PPARGC1A: variants seen among roughly 807,000 people sequenced by gnomAD.
PPARGC1A encodes PPARG coactivator 1 alpha.
PPARGC1A carries 25 observed loss-of-function variants against 88.7 expected under a neutral mutation model. That is an observed-to-expected ratio of 0.28 (90% CI 0.21 to 0.39). The LOEUF is 0.39. PPARGC1A is among the 10% of genes least tolerant of loss of function. PPARGC1A has a pLI of 1.00. For synonymous variants in PPARGC1A, 363 were observed against 355.6 expected (o/e 1.02, Z -0.24); for missense variants, 880 against 968.7 (o/e 0.91, Z 1.22).
chr4:24,007,982 G>A, the PPARGC1A span, among the ~76,000 whole-genome samples: 1 of 152,132 alleles, frequency 6.6e-6, no homozygotes, highest in East Asian at 1.9e-4. Flanking sequence ...CACAGACTTT[G>A]CAGTGACATC....
chr4:23,878,798 C>T (rs1577631179), intron 2 of PPARGC1A, among the ~76,000 whole-genome samples: 1 of 152,180 alleles, frequency 6.6e-6, no homozygotes, highest in East Asian at 1.9e-4. Context: ...AGATGAACAT[C>T]TAACTGATTT....
chr4:24,225,374 C>T, the PPARGC1A span, among the ~76,000 whole-genome samples: 1 of 152,066 alleles, frequency 6.6e-6, no homozygotes, highest in Non-Finnish European at 1.5e-5. Flanking sequence ...TTGAGACCAT[C>T]CTGGCTAACA....
the PPARGC1A span, among the ~76,000 whole-genome samples, chr4:24,030,697 T>C: frequency 3.3e-5 from 5 of 152,140 alleles, no homozygotes; most frequent in African/African-American, 1.2e-4. Flanking sequence ...GACCATTGTC[T>C]CCACACACCC....
the PPARGC1A span, among the ~76,000 whole-genome samples, chr4:24,171,428 C>T: frequency 3.9e-5 from 6 of 152,000 alleles, no homozygotes; most frequent in African/African-American, 2.4e-5. Flanking sequence ...GTCCCGTGCC[C>T]ATCTTCATCT....
rs187527971 is a variant in PPARGC1A at position 23,878,337 on chromosome 4, A to C, written c.234+6415T>G. On this transcript the variant is annotated intron_variant, in intron 2 of 12. Coordinates refer to ENST00000264867, the MANE Select transcript of PPARGC1A (RefSeq NM_013261.5). ...CAAACTGCAAATGGCTAAGAACCGA[A>C]TCAACGTCCATAAAAAAAAAAAAAA... Among the ~76,000 whole-genome samples the C allele has an allele frequency of 3.4e-4, 51 of 150,206 alleles. No individual in the cohort carries two copies. The East Asian group carries it at 9.0e-3, about 27-fold the overall frequency.
chr4:24,061,481 G>A, the PPARGC1A span, among the ~76,000 whole-genome samples: 5 of 152,222 alleles, frequency 3.3e-5, no homozygotes, highest in African/African-American at 9.6e-5. Flanking sequence ...AGAGGATGAC[G>A]GAGATCCTTT....
chr4:24,422,074 G>T, the PPARGC1A span, among the ~76,000 whole-genome samples: 102 of 152,344 alleles, frequency 6.7e-4, 1 homozygote, highest in Non-Finnish European at 1.2e-3. Context: ...GCAGGGGTCA[G>T]CAAACTATGG....
At chr4:24,342,164 C>T in the PPARGC1A span, among the ~76,000 whole-genome samples, 17 of 151,972 alleles carry the variant, frequency 1.1e-4, no homozygotes, top group Admixed American at 8.5e-4. Flanking sequence ...TTTTATGTGC[C>T]GTGAATAAAC....
At chr4:24,329,931 C>T in the PPARGC1A span, among the ~76,000 whole-genome samples, 2 of 152,186 alleles carry the variant, frequency 1.3e-5, no homozygotes, top group African/African-American at 4.8e-5. Context: ...CTCTCCTCTC[C>T]AATCATTCTG....
the PPARGC1A span, among the ~76,000 whole-genome samples, chr4:24,260,968 G>A: frequency 2.6e-5 from 4 of 152,154 alleles, no homozygotes; most frequent in Non-Finnish European, 5.9e-5. Context: ...AGTTTTGCCA[G>A]TTACTTGTGT....
the PPARGC1A span, among the ~76,000 whole-genome samples, chr4:23,926,567 C>T: frequency 1.3e-5 from 2 of 152,322 alleles, no homozygotes; most frequent in South Asian, 4.1e-4. Flanking sequence ...CTTCTCTGAG[C>T]TGGCCCCTGC....
chr4:23,809,831 C>A (rs898747577), intron 10 of PPARGC1A, among the ~76,000 whole-genome samples: 2 of 152,066 alleles, frequency 1.3e-5, no homozygotes, highest in Non-Finnish European at 2.9e-5. Context: ...AAATCTTTGT[C>A]CTTTCTCCCT....
chr4:24,180,291 G>A, the PPARGC1A span, among the ~76,000 whole-genome samples: 1 of 152,096 alleles, frequency 6.6e-6, no homozygotes, highest in South Asian at 2.1e-4. Context: ...TTCTTTAAAT[G>A]AAATTCAAGT....
chr4:23,883,228 C>T (rs1716277898), intron 2 of PPARGC1A: 1 of 152,188 alleles, frequency 6.6e-6, no homozygotes, highest in African/African-American at 2.4e-5. Flanking sequence ...TTCTGTCTCC[C>T]CAGTCCAAAC....
At chr4:23,829,431 TC>T in intron 4 of PPARGC1A, 31 bp downstream of exon 4, 1 of 1,607,342 alleles carries the variant, frequency 6.2e-7, no homozygotes, top group South Asian at 1.1e-5. Flanking sequence ...CTTTGGTACA[TC>T]CCCCCTGTAT....
upstream of PPARGC1A, among the ~76,000 whole-genome samples, chr4:23,902,087 A>C (rs923049549): frequency 6.6e-6 from 1 of 152,192 alleles, no homozygotes; most frequent in African/African-American, 2.4e-5. Flanking sequence ...AATAGAATGT[A>C]AAATATTTCA....
chr4:24,333,940 C>CAACAACAAAA, the PPARGC1A span, among the ~76,000 whole-genome samples: 1 of 13,828 alleles, frequency 7.2e-5, no homozygotes, highest in Non-Finnish European at 1.5e-4. Flanking sequence ...ACAACAACAA[C>CAACAACAAAA]AAAAAAAAAA....
At chr4:24,263,637 C>G in the PPARGC1A span, among the ~76,000 whole-genome samples, 1 of 152,182 alleles carries the variant, frequency 6.6e-6, no homozygotes, top group Non-Finnish European at 1.5e-5. Context: ...GACAGCAAGA[C>G]CAACCTCTCC....
chr4:24,176,167 A>G, the PPARGC1A span, among the ~76,000 whole-genome samples: 1 of 152,178 alleles, frequency 6.6e-6, no homozygotes, highest in Non-Finnish European at 1.5e-5. Flanking sequence ...AGGATATGCA[A>G]TAAACTTGTG....
Sources: gnomAD v4.1 joint callset for allele counts (sites outside exome capture counted in the v4.1 genomes callset) on GRCh38, gnomAD v4.1.1 for gene constraint, MANE v1.5 for transcripts, NCBI Gene and HGNC (gene_info 2026-07-23, HGNC 2026-07-21) for gene names.